The following KIAA0825 variants were observed in gnomAD, a reference collection of about 807,000 sequenced individuals.
KIAA0825 encodes the protein KIAA0825.
Under a neutral mutation model 147.6 loss-of-function variants are expected in KIAA0825, and 119 were observed. The observed-to-expected ratio is 0.81, with a 90% CI of 0.69 to 0.94. The LOEUF is 0.94. KIAA0825 is among the 40% of genes least tolerant of loss of function. The pLI is 0.00. For synonymous variants in KIAA0825, 470 were observed against 518.1 expected (o/e 0.91, Z 1.26); for missense variants, 1,381 against 1,472.7 (o/e 0.94, Z 1.02).
intron 20 of KIAA0825, among the ~76,000 whole-genome samples, chr5:94,170,797 G>A (rs1343737441): frequency 6.6e-6 from 1 of 152,214 alleles, no homozygotes; most frequent in Admixed American, 6.5e-5. Flanking sequence ...GGATCACAAA[G>A]TGATCTTTCT....
intron 20 of KIAA0825, among the ~76,000 whole-genome samples, chr5:94,166,817 A>G (rs1196907051): frequency 2.0e-5 from 3 of 152,182 alleles, no homozygotes; most frequent in East Asian, 3.9e-4. Flanking sequence ...AACATTAATG[A>G]CAGAAAGCAG....
intron 5 of KIAA0825, among the ~76,000 whole-genome samples, chr5:94,504,511 G>A (rs1370377379): frequency 2.6e-5 from 4 of 152,096 alleles, no homozygotes; most frequent in African/African-American, 9.7e-5. Flanking sequence ...GTCCCAAGTG[G>A]CATGAGTGAT....
At chr5:94,217,028 T>C (rs756634062) in intron 20 of KIAA0825, among the ~76,000 whole-genome samples, 1 of 152,190 alleles carries the variant, frequency 6.6e-6, no homozygotes, top group Non-Finnish European at 1.5e-5. Flanking sequence ...AAAAATATTA[T>C]GACATATCCA....
intron 1 of KIAA0825, chr5:94,594,299 C>T (rs960106632): frequency 1.2e-5 from 8 of 644,884 alleles, no homozygotes; most frequent in African/African-American, 7.2e-5. Context: ...CATGGTTTCT[C>T]GACTGCTTCT....
intron 20 of KIAA0825, among the ~76,000 whole-genome samples, chr5:94,270,220 A>C (rs1776923202): frequency 6.6e-6 from 1 of 152,140 alleles, no homozygotes; most frequent in Admixed American, 6.5e-5. Flanking sequence ...AGTAACCAAA[A>C]CAGTATGGTA....
intron 2 of KIAA0825, among the ~76,000 whole-genome samples, chr5:94,573,270 G>A (rs1350430113): frequency 8.0e-6 from 1 of 124,930 alleles, no homozygotes; most frequent in Non-Finnish European, 1.6e-5. Flanking sequence ...CTTTTTAAGT[G>A]TTTTTTTTTT....
chr5:94,351,415 A>G (rs1310172557), intron 20 of KIAA0825, among the ~76,000 whole-genome samples: 1 of 152,202 alleles, frequency 6.6e-6, no homozygotes, highest in Non-Finnish European at 1.5e-5. Context: ...GAAAACTACG[A>G]AACACTGCTG....
chr5:94,373,329 G>C lies in KIAA0825; in HGVS notation c.3710+11039C>G, dbSNP rs374722765. On this transcript the variant is annotated intron_variant, in intron 20 of 20. Transcript: ENST00000682413. Reference sequence around the variant, plus strand: ...CCCTTGGTACCAATTTACTGTATTAGTTCCTTCTCATGCTGCTATGAAGAC... The same window carrying C: ...CCCTTGGTACCAATTTACTGTATTACTTCCTTCTCATGCTGCTATGAAGAC... Among the ~76,000 whole-genome samples the C allele has an allele frequency of 5.3e-5, 8 of 152,226 alleles. No individual in the cohort carries two copies. The South Asian group carries it at 1.7e-3, about 32-fold the overall frequency.
chr5:94,278,395 T>G (rs1777312859), intron 20 of KIAA0825, among the ~76,000 whole-genome samples: 1 of 152,170 alleles, frequency 6.6e-6, no homozygotes, highest in Non-Finnish European at 1.5e-5. Flanking sequence ...TTGTTTGCAT[T>G]GAGCTATAAG....
chr5:94,432,568 G>T (rs1247009879), intron 14 of KIAA0825, among the ~76,000 whole-genome samples: 3 of 151,170 alleles, frequency 2.0e-5, no homozygotes, highest in Non-Finnish European at 2.9e-5. Flanking sequence ...ACACAAATAT[G>T]GTTCTTAGTA....
At position 94,464,876 on chromosome 5, in the gene KIAA0825, G is replaced by A; in HGVS notation, c.2056C>T (p.Gln686Ter). Residue 686 changes from glutamine (Q) to a stop codon, truncating the protein, a stop_gained, in exon 11 of 21, where the codon CAG becomes TAG. Coordinates refer to ENST00000682413, the MANE Select transcript of KIAA0825 (RefSeq NM_001145678.3). LOFTEE classifies it high-confidence loss of function. Reference sequence around the variant, plus strand: ...TTTCAGAACTTCAATTACCTTAACTGTGGAGTTCTTTTACGGCTGGGGTGG... The same window carrying A: ...TTTCAGAACTTCAATTACCTTAACTATGGAGTTCTTTTACGGCTGGGGTGG... ...RAHPSRKRTP[Q>*]LRLDVTTILI... 6.4e-7 allele frequency: 1 copy of A among 1,550,676 alleles called. No individual in the cohort carries two copies. The highest frequency in any genetic ancestry group is 1.4e-5 in the African/African-American group (1 of 73,078).
intron 1 of KIAA0825, among the ~76,000 whole-genome samples, chr5:94,613,787 T>C (rs1344142693): frequency 1.3e-5 from 2 of 152,226 alleles, no homozygotes. Flanking sequence ...CCTTTTCTAA[T>C]CATACAAGGT....
intron 20 of KIAA0825, among the ~76,000 whole-genome samples, chr5:94,158,985 C>T (rs1407885462): frequency 1.3e-5 from 2 of 152,184 alleles, no homozygotes; most frequent in Non-Finnish European, 2.9e-5. Context: ...GTCAGTTACA[C>T]AAATAGGGGA....
chr5:94,321,953 A>G (rs1185267725), intron 20 of KIAA0825, among the ~76,000 whole-genome samples: 1 of 151,982 alleles, frequency 6.6e-6, no homozygotes, highest in African/African-American at 2.4e-5. Context: ...CTGAATTCCA[A>G]ACAAAAGGCA....
intron 20 of KIAA0825, among the ~76,000 whole-genome samples, chr5:94,369,951 A>G (rs974394829): frequency 2.6e-5 from 4 of 152,194 alleles, no homozygotes; most frequent in African/African-American, 9.7e-5. Flanking sequence ...TCATAAATGT[A>G]AACATAAATG....
chr5:94,356,382 C>A (rs888764917), intron 20 of KIAA0825, among the ~76,000 whole-genome samples: 4 of 151,466 alleles, frequency 2.6e-5, no homozygotes, highest in African/African-American at 9.7e-5. Flanking sequence ...CCGAAGTGGG[C>A]GGATCACGAG....
At chr5:94,369,504 GAA>G (rs1316072794) in intron 20 of KIAA0825, among the ~76,000 whole-genome samples, 1 of 152,148 alleles carries the variant, frequency 6.6e-6, no homozygotes, top group Admixed American at 6.6e-5. Context: ...TTAGCTTCAG[GAA>G]AAGAGGTGGG....
At chr5:94,156,106 T>G (rs1040315328) in intron 20 of KIAA0825, among the ~76,000 whole-genome samples, 2 of 152,222 alleles carry the variant, frequency 1.3e-5, no homozygotes, top group Non-Finnish European at 2.9e-5. Context: ...ATATCACTCT[T>G]TAAATTCTCA....
chr5:94,242,783 A>T (rs1775417063), intron 20 of KIAA0825, among the ~76,000 whole-genome samples: 1 of 151,766 alleles, frequency 6.6e-6, no homozygotes, highest in Non-Finnish European at 1.5e-5. Flanking sequence ...CTGCCACCAC[A>T]CCTGGCTAAT....
Sources: allele counts gnomAD v4.1 joint callset (sites outside exome capture counted in the v4.1 genomes callset), GRCh38; gene constraint gnomAD v4.1.1; transcripts MANE v1.5; gene names NCBI Gene and HGNC (gene_info 2026-07-23, HGNC 2026-07-21).